The following CNTN5 variants were observed in gnomAD, a reference collection of about 807,000 sequenced individuals.
The protein encoded by CNTN5 is contactin 5.
CNTN5 carries 77 observed loss-of-function variants against 129.1 expected under a neutral mutation model. The ratio of observed to expected loss-of-function variants is 0.60; its 90% CI spans 0.50 to 0.72. The LOEUF (loss-of-function observed/expected upper bound fraction) is 0.72, where lower values mean the gene tolerates loss of function less well. CNTN5 is among the 30% of genes least tolerant of loss of function. The pLI is 0.00. For missense variants in CNTN5, 1,478 were observed against 1,328.8 expected, an observed-to-expected ratio of 1.11 and a Z score of -1.75; for synonymous variants, 509 against 465.6, an observed-to-expected ratio of 1.09 and a Z score of -1.20.
intron 2 of CNTN5, among the ~76,000 whole-genome samples, chr11:99,357,358 G>A (rs768812328): frequency 4.0e-5 from 6 of 151,762 alleles, no homozygotes; most frequent in Non-Finnish European, 8.8e-5. Flanking sequence ...TGAGTTATTC[G>A]CTTAGAGATT....
In CNTN5 at chr11:99,381,163, A is replaced by G. The variant is rs924472498; in HGVS notation, c.-71+55679A>G. Reference sequence around the variant, plus strand: ...CTTCAGCTGAGCTAAGCCTAGGGAAAAAAAAAACAAACCAAATTTCTAATC... The same window carrying G: ...CTTCAGCTGAGCTAAGCCTAGGGAAGAAAAAAACAAACCAAATTTCTAATC... On this transcript the variant is annotated intron_variant, in intron 2 of 24. Transcript: ENST00000524871. 4.5e-3 allele frequency among the ~76,000 whole-genome samples: 685 copies of G among 152,194 alleles called. 4 individuals are homozygous for G. The highest frequency in any genetic ancestry group is 4.7e-3 in the Non-Finnish European group (321 of 68,004).
At chr11:100,200,166 C>T (rs1258809631) in intron 15 of CNTN5, among the ~76,000 whole-genome samples, 2 of 151,888 alleles carry the variant, frequency 1.3e-5, no homozygotes, top group Non-Finnish European at 2.9e-5. Context: ...CCCTTACTTC[C>T]TATGGGTCAC....
At position 100,203,799 on chromosome 11, in the gene CNTN5, T is replaced by TAC. The variant is rs59141425; in HGVS notation, c.1884+10167_1884+10168dup. ...CCATCCAATTACATAAATGTGCACG[T>TAC]ACACACACACACACACACACACACA... On this transcript the variant is annotated intron_variant, in intron 15 of 24. Transcript: ENST00000524871. Among the ~76,000 whole-genome samples, 551 of 139,180 alleles carry TAC rather than the reference T, an allele frequency of 4.0e-3. 2 individuals are homozygous for TAC. The highest frequency in any genetic ancestry group is 0.017 in the South Asian group (71 of 4,076). The allele number at this position is 139,180 out of a possible 152,430, so 91.3% of individuals were successfully genotyped here.
chr11:99,623,998 A>T (rs1383785542), intron 3 of CNTN5, among the ~76,000 whole-genome samples: 3 of 152,108 alleles, frequency 2.0e-5, no homozygotes, highest in Non-Finnish European at 4.4e-5. Context: ...AACTTTGTTG[A>T]TCAAAAGATA....
chr11:100,035,544 A>G (rs1381208597), intron 9 of CNTN5, among the ~76,000 whole-genome samples: 27 of 145,568 alleles, frequency 1.9e-4, no homozygotes, highest in Non-Finnish European at 3.0e-4. Context: ...AGGAATCGCC[A>G]CACTGACTTC....
chr11:100,220,305 G>A (rs1393538285), intron 15 of CNTN5, among the ~76,000 whole-genome samples: 1 of 151,556 alleles, frequency 6.6e-6, no homozygotes, highest in African/African-American at 2.4e-5. Flanking sequence ...TTATCCTCTT[G>A]GAAGAAGAAA....
chr11:99,753,492 A>G (rs1275511243), intron 3 of CNTN5, among the ~76,000 whole-genome samples: 1 of 151,570 alleles, frequency 6.6e-6, no homozygotes, highest in Non-Finnish European at 1.5e-5. Flanking sequence ...GCATATGGGC[A>G]TAAAATAAGA....
intron 6 of CNTN5, among the ~76,000 whole-genome samples, chr11:99,895,617 G>A (rs943410069): frequency 5.3e-5 from 8 of 152,278 alleles, no homozygotes; most frequent in Middle Eastern, 3.4e-3. Flanking sequence ...GTATGGAGCC[G>A]AGGAAAGCTC....
At chr11:99,713,634 TG>T (rs768194481) in intron 3 of CNTN5, among the ~76,000 whole-genome samples, 2 of 151,976 alleles carry the variant, frequency 1.3e-5, no homozygotes, top group Non-Finnish European at 2.9e-5. Context: ...AATAGAAATA[TG>T]GAACCCAATG....
At chr11:99,715,847 A>G (rs563441733) in intron 3 of CNTN5, among the ~76,000 whole-genome samples, 3 of 152,126 alleles carry the variant, frequency 2.0e-5, no homozygotes, top group African/African-American at 7.2e-5. Flanking sequence ...TATATTGGGA[A>G]AGGAAATTGT....
chr11:99,873,357 A>G (rs1297845380), intron 6 of CNTN5, among the ~76,000 whole-genome samples: 1 of 152,102 alleles, frequency 6.6e-6, no homozygotes, highest in Middle Eastern at 3.2e-3. Context: ...ATCTATAAGA[A>G]CTCAACAAGA....
intron 2 of CNTN5, among the ~76,000 whole-genome samples, chr11:99,498,063 A>G (rs970194278): frequency 6.6e-6 from 1 of 152,154 alleles, no homozygotes. Flanking sequence ...ACATGCTGCC[A>G]AGTAACATCT....
intron 1 of CNTN5, among the ~76,000 whole-genome samples, chr11:99,153,032 C>T (rs1860147190): frequency 6.6e-6 from 1 of 152,098 alleles, no homozygotes; most frequent in African/African-American, 2.4e-5. Flanking sequence ...GGTGGGGTTC[C>T]CTTTGGAGGT....
rs1008094261 is a variant in CNTN5 at position 99,364,528 on chromosome 11, C to T, written c.-71+39044C>T. Among the ~76,000 whole-genome samples the T allele has an allele frequency of 3.9e-5, 6 of 152,104 alleles. No homozygotes were observed. The South Asian group carries it at 1.2e-3, about 32-fold the overall frequency. On this transcript the variant is annotated intron_variant, in intron 2 of 24. Coordinates refer to ENST00000524871, the MANE Select transcript of CNTN5 (RefSeq NM_014361.4). ...AGATAATTGAGTAAAGAGATATGAGCAAGACCTTGCCTTTCTCTATCATCC... is the reference window on the plus strand; with the variant it reads ...AGATAATTGAGTAAAGAGATATGAGTAAGACCTTGCCTTTCTCTATCATCC...
chr11:99,468,120 A>T (rs1388469419), intron 2 of CNTN5, among the ~76,000 whole-genome samples: 1 of 152,212 alleles, frequency 6.6e-6, no homozygotes, highest in Non-Finnish European at 1.5e-5. Flanking sequence ...GATACATAAA[A>T]GAAGAGAGTG....
At chr11:99,470,621 T>C (rs1945133754) in intron 2 of CNTN5, among the ~76,000 whole-genome samples, 1 of 152,140 alleles carries the variant, frequency 6.6e-6, no homozygotes, top group Non-Finnish European at 1.5e-5. Flanking sequence ...ATATGTACCT[T>C]ATTTCCTCAT....
At chr11:99,973,533 A>AT (rs999783900) in intron 8 of CNTN5, among the ~76,000 whole-genome samples, 10 of 151,858 alleles carry the variant, frequency 6.6e-5, no homozygotes, top group African/African-American at 2.2e-4. Flanking sequence ...GCTCTACCTG[A>AT]TTTTTCTCTG....
chr11:100,097,736 ATGT>A (rs1209596512), intron 13 of CNTN5, among the ~76,000 whole-genome samples: 1 of 152,088 alleles, frequency 6.6e-6, no homozygotes, highest in African/African-American at 2.4e-5. Context: ...GAAATAATAA[ATGT>A]TGTGTTTCTT....
At chr11:99,540,677 C>CAGTCAGG (rs1948071566) in intron 2 of CNTN5, among the ~76,000 whole-genome samples, 1 of 152,062 alleles carries the variant, frequency 6.6e-6, no homozygotes, top group East Asian at 1.9e-4. Flanking sequence ...GAATGAAGAG[C>CAGTCAGG]ATCTTAAGTT....
Sources: allele counts gnomAD v4.1 joint callset (sites outside exome capture counted in the v4.1 genomes callset), GRCh38; gene constraint gnomAD v4.1.1; transcripts MANE v1.5; gene names NCBI Gene and HGNC (gene_info 2026-07-23, HGNC 2026-07-21).